The following SERP2 variants were observed in gnomAD, a reference collection of about 807,000 sequenced individuals.
The protein encoded by SERP2 is stress-associated endoplasmic reticulum protein 2.
In SERP2, 6 loss-of-function variants were observed where a neutral mutation model predicts 9.1. The ratio of observed to expected loss-of-function variants is 0.66; its 90% CI spans 0.36 to 1.30. The LOEUF (loss-of-function observed/expected upper bound fraction) is 1.30. Among genes scored for constraint, SERP2 ranks in the 50% most tolerant of loss-of-function variants. The pLI is 0.03. For synonymous variants in SERP2, 37 were observed against 27.3 expected (o/e 1.35, Z -1.10); for missense variants, 58 against 81.9 (o/e 0.71, Z 1.13).
In SERP2 at chr13:44,397,657, T is replaced by C; in HGVS notation, c.*345T>C. ...CGATCACTGGTTTACTTTCTATGGA[T>C]ACAATCTCTCCTCCATTGAGAATTG... On this transcript the variant is annotated 3_prime_UTR_variant, in exon 3 of 3. Coordinates refer to ENST00000379179, the MANE Select transcript of SERP2 (RefSeq NM_001010897.3). 1 of 343,436 alleles carries C rather than the reference T, an allele frequency of 2.9e-6. No individual in the cohort carries two copies. Among genetic ancestry groups the C allele is most frequent in the South Asian group, 3.1e-5 (1 of 32,452 alleles). 21.3% of individuals were successfully genotyped at this position (343,436 alleles called of 1,614,324 possible). A position where few individuals can be genotyped will look rare whatever the true frequency, so the allele number is the denominator to read the frequency against.
intron 2 of SERP2, among the ~76,000 whole-genome samples, chr13:44,396,748 CAG>C (rs1873127088): frequency 6.6e-6 from 1 of 152,260 alleles, no homozygotes; most frequent in Non-Finnish European, 1.5e-5. Context: ...AGCCGCCTTT[CAG>C]AGAGTTCCAA....
At chr13:44,388,278 T>G (rs1022035854) in intron 2 of SERP2, among the ~76,000 whole-genome samples, 2 of 151,948 alleles carry the variant, frequency 1.3e-5, no homozygotes, top group Admixed American at 1.3e-4. Flanking sequence ...GTGGGTTTTT[T>G]TGTGTGTGTG....
intron 2 of SERP2, among the ~76,000 whole-genome samples, chr13:44,392,373 T>C (rs956318550): frequency 6.6e-6 from 1 of 151,714 alleles, no homozygotes; most frequent in African/African-American, 2.4e-5. Flanking sequence ...CGGGAAGCTT[T>C]TGATGTGCAG....
chr13:44,383,686 T>G (rs1343602243), intron 2 of SERP2, among the ~76,000 whole-genome samples: 1 of 151,480 alleles, frequency 6.6e-6, no homozygotes, highest in South Asian at 2.1e-4. Context: ...TAGCTGGAAC[T>G]GCAAGCACGC....
At chr13:44,374,195 G>A (rs1173046381) in intron 1 of SERP2, 86 bp downstream of exon 1, 1 of 901,158 alleles carries the variant, frequency 1.1e-6, no homozygotes. Flanking sequence ...GGCGGGTAGC[G>A]GCGCAGGGTC....
intron 2 of SERP2, 72 bp from the exon 3 acceptor site, chr13:44,397,200 G>A (rs1207704782): frequency 1.0e-5 from 13 of 1,278,238 alleles, no homozygotes; most frequent in Admixed American, 1.7e-5. Context: ...TGCAGAAGCC[G>A]GGCTCACTGT....
At chr13:44,374,148 G>A (rs1325986206) in intron 1 of SERP2, 39 bp downstream of exon 1, 1 of 632,264 alleles carries the variant, frequency 1.6e-6, no homozygotes, top group South Asian at 1.9e-5. Flanking sequence ...GAGCCCTGCA[G>A]CCCGGCGGGG....
intron 2 of SERP2, among the ~76,000 whole-genome samples, chr13:44,385,462 C>A (rs1208235818): frequency 6.6e-6 from 1 of 152,234 alleles, no homozygotes; most frequent in Non-Finnish European, 1.5e-5. Context: ...AAGCCCTGTT[C>A]TGTCTTAGGC....
At chr13:44,395,535 C>T (rs539446691) in intron 2 of SERP2, among the ~76,000 whole-genome samples, 5 of 140,270 alleles carry the variant, frequency 3.6e-5, no homozygotes, top group South Asian at 2.5e-4. Context: ...ACCGGGGAGG[C>T]GGAGCTTGCA....
intron 2 of SERP2, among the ~76,000 whole-genome samples, chr13:44,386,705 T>G (rs557328437): frequency 2.1e-4 from 32 of 152,352 alleles, no homozygotes; most frequent in African/African-American, 7.7e-4. Context: ...ATATAGATTA[T>G]TTAAGAAATC....
At chr13:44,394,476 G>C (rs554092880) in intron 2 of SERP2, among the ~76,000 whole-genome samples, 5 of 152,088 alleles carry the variant, frequency 3.3e-5, no homozygotes, top group Non-Finnish European at 5.9e-5. Flanking sequence ...AGAATTGCAT[G>C]GTTTCTTATT....
At chr13:44,389,207 A>G (rs1872497696) in intron 2 of SERP2, among the ~76,000 whole-genome samples, 1 of 152,228 alleles carries the variant, frequency 6.6e-6, no homozygotes, top group Non-Finnish European at 1.5e-5. Flanking sequence ...GCATGTGCAC[A>G]TGCCATAGGG....
intron 2 of SERP2, among the ~76,000 whole-genome samples, chr13:44,382,691 A>G (rs1872063673): frequency 6.6e-6 from 1 of 152,120 alleles, no homozygotes; most frequent in South Asian, 2.1e-4. Flanking sequence ...GGAGAAACCC[A>G]CAGAACACAA....
intron 2 of SERP2, among the ~76,000 whole-genome samples, chr13:44,382,162 G>C (rs1872018140): frequency 1.3e-5 from 2 of 151,568 alleles, no homozygotes; most frequent in African/African-American, 2.4e-5. Flanking sequence ...TTTTAGGCTG[G>C]GCGCGGTGGC....
intron 2 of SERP2, among the ~76,000 whole-genome samples, chr13:44,393,095 G>A (rs1872879310): frequency 6.6e-6 from 1 of 152,040 alleles, no homozygotes; most frequent in Non-Finnish European, 1.5e-5. Flanking sequence ...AAAAGAAGGT[G>A]GAAGAATGCC....
At chr13:44,381,243 A>AC (rs1289523772) in intron 2 of SERP2, among the ~76,000 whole-genome samples, 1 of 150,366 alleles carries the variant, frequency 6.7e-6, no homozygotes, top group African/African-American at 2.4e-5. Flanking sequence ...CGTCTCAAAA[A>AC]AAAAAAAAAA....
intron 2 of SERP2, among the ~76,000 whole-genome samples, chr13:44,393,882 ATC>A (rs1432595326): frequency 6.6e-6 from 1 of 152,224 alleles, no homozygotes; most frequent in Non-Finnish European, 1.5e-5. Context: ...AAACACAGTC[ATC>A]TCTCTGTTAT....
rs1873171456 is a variant in SERP2, at chr13:44,397,316, A to G, written c.*4A>G. The G allele has an allele frequency of 4.3e-6, 7 of 1,612,370 alleles. No homozygotes were observed. In the African/African-American group the frequency reaches 8.0e-5, roughly 18 times the overall value. On this transcript the variant is annotated 3_prime_UTR_variant, in exon 3 of 3. Transcript: ENST00000379179. The stretch of plus-strand genomic sequence containing the variant: ...GAGCATAAGGATGGGCATGTGAGAA[A>G]GCCAGGGATTTGACACCACCTCCCT...
chr13:44,374,109 G>C lies in SERP2; in HGVS notation c.84G>C (p.Leu28=). The C allele has an allele frequency of 6.4e-7, 1 of 1,564,282 alleles. No individual in the cohort carries two copies. Among genetic ancestry groups the C allele is most frequent in the Non-Finnish European group, 8.6e-7 (1 of 1,156,910 alleles). The change falls in exon 1 of 3, where the codon CTG becomes CTC. Residue 28 remains leucine, a splice_region_variant and synonymous_variant. Transcript: ENST00000379179. ...ITQRGNVAKT[L]RPQEEKYPVG... ...AGAGGGGGAACGTAGCCAAAACCCT[G>C]GTAAGGCGGGGTCGGCGCCGGCCAG...
Sources: allele counts gnomAD v4.1 joint callset (sites outside exome capture counted in the v4.1 genomes callset), GRCh38; gene constraint gnomAD v4.1.1; transcripts MANE v1.5; gene names NCBI Gene and HGNC (gene_info 2026-07-23, HGNC 2026-07-21).